The following NEDD4 variants were observed in gnomAD, a reference collection of about 807,000 sequenced individuals.
NEDD4 encodes the protein NEDD4 E3 ubiquitin protein ligase.
NEDD4 carries 99 observed loss-of-function variants against 144.9 expected under a neutral mutation model. The ratio of observed to expected loss-of-function variants is 0.68; its 90% CI spans 0.58 to 0.81. NEDD4 has a LOEUF of 0.81. NEDD4 is among the 30% of genes least tolerant of loss of function. NEDD4 has a pLI of 0.00. For missense variants in NEDD4, 985 were observed against 1,065.9 expected (o/e 0.92, Z 1.06); for synonymous variants, 318 against 350.6 (o/e 0.91, Z 1.04).
chr15:55,914,270 C>A (rs2036364482), intron 5 of NEDD4, among the ~76,000 whole-genome samples: 1 of 151,174 alleles, frequency 6.6e-6, no homozygotes, highest in Non-Finnish European at 1.5e-5. Context: ...GGTTTTTTCC[C>A]CCCAAAACTA....
intron 14 of NEDD4, among the ~76,000 whole-genome samples, chr15:55,849,400 T>C (rs2033887428): frequency 1.3e-5 from 2 of 152,070 alleles, no homozygotes; most frequent in Admixed American, 6.5e-5. Context: ...AATTTTTGTA[T>C]ATTTAATAGA....
intron 4 of NEDD4, among the ~76,000 whole-genome samples, chr15:55,936,432 A>C (rs2142263219): frequency 6.6e-6 from 1 of 152,262 alleles, no homozygotes; most frequent in Admixed American, 6.5e-5. Context: ...AGAAAAAAAA[A>C]CACATAGGAA....
At chr15:55,900,685 T>A (rs1264763124) in intron 5 of NEDD4, among the ~76,000 whole-genome samples, 5 of 152,174 alleles carry the variant, frequency 3.3e-5, no homozygotes, top group Non-Finnish European at 5.9e-5. Context: ...GTTGCTTATA[T>A]GAATCATACA....
intron 5 of NEDD4, among the ~76,000 whole-genome samples, chr15:55,893,455 T>C (rs2035635135): frequency 1.3e-5 from 2 of 151,982 alleles, no homozygotes; most frequent in East Asian, 3.9e-4. Context: ...CAGAATACAA[T>C]TAAAAACTTA....
chr15:55,936,423 G>GA (rs1218061331), intron 4 of NEDD4, among the ~76,000 whole-genome samples: 7 of 148,720 alleles, frequency 4.7e-5, no homozygotes, highest in South Asian at 2.1e-4. Flanking sequence ...AAATACAAAA[G>GA]AAAAAAAAAC....
chr15:55,957,636 G>T (rs1490579428), intron 2 of NEDD4, among the ~76,000 whole-genome samples: 2 of 152,134 alleles, frequency 1.3e-5, no homozygotes, highest in Admixed American at 6.5e-5. Context: ...ATACCCAAAG[G>T]ATTATAAATC....
At position 55,827,379 on chromosome 15, in the gene NEDD4, C is replaced by G. The variant is rs3088077; in HGVS notation, c.*2518G>C. ...CTTGATAGATGTTTCTTCCAGACCACGAGCCCCTAGTGGGAGATGAAGGGG... is the reference window on the plus strand; with the variant it reads ...CTTGATAGATGTTTCTTCCAGACCAGGAGCCCCTAGTGGGAGATGAAGGGG... On this transcript the variant is annotated 3_prime_UTR_variant, in exon 29 of 29. Transcript: ENST00000435532. 6.6e-6 allele frequency: 1 copy of G among 152,150 alleles called. No individual in the cohort carries two copies. Among genetic ancestry groups the G allele is most frequent in the South Asian group, 2.1e-4 (1 of 4,812 alleles). The allele number at this position is 152,150 out of a possible 1,614,324, so 9.4% of individuals were successfully genotyped here. A position where few individuals can be genotyped will look rare whatever the true frequency, so the allele number is the denominator to read the frequency against.
At chr15:55,977,617 T>C (rs1444170042) in intron 1 of NEDD4, among the ~76,000 whole-genome samples, 1 of 151,908 alleles carries the variant, frequency 6.6e-6, no homozygotes, top group African/African-American at 2.4e-5. Context: ...ATAGCTGATC[T>C]TTCAAGAAAG....
intron 4 of NEDD4, among the ~76,000 whole-genome samples, chr15:55,926,948 C>T (rs2036679306): frequency 6.6e-6 from 1 of 151,242 alleles, no homozygotes; most frequent in South Asian, 2.1e-4. Flanking sequence ...TGGCGGCAGG[C>T]ACCTGTAACC....
At chr15:55,985,824 C>T (rs2140452478) in intron 1 of NEDD4, among the ~76,000 whole-genome samples, 1 of 152,054 alleles carries the variant, frequency 6.6e-6, no homozygotes, top group African/African-American at 2.4e-5. Flanking sequence ...GAGTATATCC[C>T]AGTAACAATG....
In NEDD4 at chr15:55,974,515, G is replaced by A. The variant is rs529918411; in HGVS notation, c.46-7969C>T. 9.9e-5 allele frequency among the ~76,000 whole-genome samples: 15 copies of A among 152,000 alleles called. No homozygotes were observed. In the South Asian group the frequency reaches 2.9e-3, roughly 29 times the overall value. On this transcript the variant is annotated intron_variant, in intron 1 of 28. Coordinates refer to ENST00000435532, the MANE Select transcript of NEDD4 (RefSeq NM_006154.4). ...CTGATAAACATTGATGCAAAAATCCGTAATAAAATACTAGCAAACCAAATT... is the reference window on the plus strand; with the variant it reads ...CTGATAAACATTGATGCAAAAATCCATAATAAAATACTAGCAAACCAAATT...
intron 5 of NEDD4, chr15:55,905,160 T>C: frequency 2.7e-6 from 1 of 365,002 alleles, no homozygotes; most frequent in Non-Finnish European, 5.4e-6. Context: ...TAAATTATCA[T>C]CAGCATGTTA....
intron 5 of NEDD4, among the ~76,000 whole-genome samples, chr15:55,879,600 C>G (rs886467810): frequency 3.9e-5 from 6 of 152,002 alleles, no homozygotes; most frequent in Admixed American, 1.3e-4. Flanking sequence ...AAATGAAAGA[C>G]GGGAGTCTGA....
At chr15:55,945,405 A>G (rs2037091307) in intron 4 of NEDD4, among the ~76,000 whole-genome samples, 1 of 152,220 alleles carries the variant, frequency 6.6e-6, no homozygotes, top group African/African-American at 2.4e-5. Context: ...AGTGGAAGAA[A>G]GGCTATCACT....
Position 55,915,984 on chromosome 15 carries a change from C to G in NEDD4, c.291+8662G>C, listed in dbSNP as rs768133386. 1.9e-6 allele frequency: 3 copies of G among 1,613,712 alleles called. No homozygotes were observed. The South Asian group carries it at 3.3e-5, about 18-fold the overall frequency. On this transcript the variant is annotated intron_variant, in intron 5 of 28. Transcript: ENST00000435532. ...TCCTTTGCTCAGAAGAGTACACAGA[C>G]TTGTTGGAGAAGTCGGTCGGGTAGT... is the stretch of plus-strand genomic sequence containing the variant.
chr15:55,846,891 T>C, intron 18 of NEDD4, 78 bp downstream of exon 18: 1 of 925,910 alleles, frequency 1.1e-6, no homozygotes. Flanking sequence ...GAACAAATTA[T>C]TACTGTAAAA....
rs965065443 is a variant in NEDD4 at position 55,911,570 on chromosome 15, C to T, written c.291+13076G>A. On this transcript the variant is annotated intron_variant, in intron 5 of 28. Transcript: ENST00000435532. ...TTTGAGACGGGGTTTCGCTCTGTGGCCCAGGCTGGAGTGCAGTGGCGCGAT... is the reference window on the plus strand; with the variant it reads ...TTTGAGACGGGGTTTCGCTCTGTGGTCCAGGCTGGAGTGCAGTGGCGCGAT... Among the ~76,000 whole-genome samples, 5 of 151,708 alleles carry T rather than the reference C, an allele frequency of 3.3e-5. No homozygotes were observed. The East Asian group carries it at 9.7e-4, about 30-fold the overall frequency.
At chr15:55,958,694 A>T (rs11858545) in intron 2 of NEDD4, among the ~76,000 whole-genome samples, 1,767 of 152,236 alleles carry the variant, frequency 0.012, 16 homozygotes, top group Non-Finnish European at 0.018. Context: ...AATTTCTTTC[A>T]ATAATAAACA....
At chr15:55,925,126 A>G (rs2036639163) in intron 4 of NEDD4, among the ~76,000 whole-genome samples, 1 of 152,220 alleles carries the variant, frequency 6.6e-6, no homozygotes, top group Non-Finnish European at 1.5e-5. Flanking sequence ...AATTCCGATT[A>G]TTTGGAATGC....
Sources: allele counts gnomAD v4.1 joint callset (sites outside exome capture counted in the v4.1 genomes callset), GRCh38; gene constraint gnomAD v4.1.1; transcripts MANE v1.5; gene names NCBI Gene and HGNC (gene_info 2026-07-23, HGNC 2026-07-21).